AUTS2: variants seen among roughly 807,000 people sequenced by gnomAD.
AUTS2 encodes the protein autism susceptibility gene 2 protein.
In AUTS2, 17 loss-of-function variants were observed where a neutral mutation model predicts 112.4. That is an observed-to-expected ratio of 0.15 (90% CI 0.10 to 0.23). The LOEUF (loss-of-function observed/expected upper bound fraction) is 0.23. AUTS2 is among the 10% of genes least tolerant of loss of function. AUTS2 has a pLI of 1.00. For missense variants in AUTS2, 1,510 were observed against 1,701.6 expected (o/e 0.89, Z 1.98); for synonymous variants, 751 against 702.7 (o/e 1.07, Z -1.09).
intron 2 of AUTS2, among the ~76,000 whole-genome samples, chr7:70,081,712 T>C (rs1266557401): frequency 6.6e-6 from 1 of 152,194 alleles, no homozygotes; most frequent in Non-Finnish European, 1.5e-5. Context: ...AGACTCAGTG[T>C]GGAGGAATGT....
chr7:70,540,412 G>A (rs2129504755), intron 5 of AUTS2, among the ~76,000 whole-genome samples: 1 of 152,216 alleles, frequency 6.6e-6, no homozygotes, highest in Non-Finnish European at 1.5e-5. Flanking sequence ...ATTTCACTAG[G>A]CCCACTGAAG....
intron 5 of AUTS2, among the ~76,000 whole-genome samples, chr7:70,507,626 G>A (rs1371778131): frequency 1.3e-5 from 2 of 151,796 alleles, no homozygotes; most frequent in Admixed American, 6.6e-5. Flanking sequence ...GTGAAACCCT[G>A]TCTCTACTAA....
chr7:70,014,699 C>T (rs1799952153), intron 2 of AUTS2, among the ~76,000 whole-genome samples: 1 of 152,200 alleles, frequency 6.6e-6, no homozygotes, highest in African/African-American at 2.4e-5. Context: ...TAGACATGCA[C>T]ACCTCTTCAA....
chr7:69,693,616 T>C (rs1242966963), intron 1 of AUTS2, among the ~76,000 whole-genome samples: 1 of 152,198 alleles, frequency 6.6e-6, no homozygotes, highest in Non-Finnish European at 1.5e-5. Context: ...TTGTGTTTCA[T>C]AGAACTGGTA....
At chr7:69,994,345 T>G (rs1798858014) in intron 2 of AUTS2, among the ~76,000 whole-genome samples, 1 of 152,230 alleles carries the variant, frequency 6.6e-6, no homozygotes, top group Non-Finnish European at 1.5e-5. Flanking sequence ...GAATAATAGT[T>G]TCTTGTCCTC....
chr7:69,759,770 GCCCCCCCCC>G (rs3070428), intron 1 of AUTS2, among the ~76,000 whole-genome samples: 3 of 918 alleles, frequency 3.3e-3, no homozygotes, highest in Non-Finnish European at 8.0e-3. Flanking sequence ...TCTCATCCCC[GCCCCCCCCC>G]CCCCCCCCCC....
chr7:69,881,851 A>G (rs1794061231), intron 1 of AUTS2, among the ~76,000 whole-genome samples: 1 of 152,172 alleles, frequency 6.6e-6, no homozygotes. Flanking sequence ...ATTATTTCTC[A>G]GGTTAAATAG....
intron 4 of AUTS2, among the ~76,000 whole-genome samples, chr7:70,232,381 A>G (rs986132598): frequency 4.6e-5 from 7 of 151,590 alleles, no homozygotes; most frequent in African/African-American, 1.2e-4. Flanking sequence ...CAGCAACATA[A>G]TGCATGTGTA....
chr7:69,726,299 A>G (rs1464385736), intron 1 of AUTS2, among the ~76,000 whole-genome samples: 3 of 152,128 alleles, frequency 2.0e-5, no homozygotes, highest in Non-Finnish European at 2.9e-5. Context: ...TTATACAAGT[A>G]TGTGCTCTAT....
intron 4 of AUTS2, among the ~76,000 whole-genome samples, chr7:70,341,329 T>G (rs1020176944): frequency 2.0e-5 from 3 of 152,158 alleles, no homozygotes; most frequent in Non-Finnish European, 4.4e-5. Context: ...CACTGAAAAA[T>G]GGGGCAGAAT....
At chr7:69,900,653 T>C (rs1794931153) in intron 2 of AUTS2, among the ~76,000 whole-genome samples, 1 of 152,190 alleles carries the variant, frequency 6.6e-6, no homozygotes, top group African/African-American at 2.4e-5. Flanking sequence ...ATTGGAAAGA[T>C]CAAAAGCCTC....
intron 1 of AUTS2, among the ~76,000 whole-genome samples, chr7:69,798,244 G>A (rs748994662): frequency 4.6e-5 from 7 of 152,100 alleles, no homozygotes; most frequent in African/African-American, 1.2e-4. Context: ...TGGGAGGAAC[G>A]TAAGAGAACA....
intron 4 of AUTS2, among the ~76,000 whole-genome samples, chr7:70,234,464 A>G (rs1198993005): frequency 6.6e-6 from 1 of 152,124 alleles, no homozygotes; most frequent in Non-Finnish European, 1.5e-5. Flanking sequence ...GCAAACATTT[A>G]TTGCATGTTT....
At chr7:69,768,606 C>T (rs963484920) in intron 1 of AUTS2, among the ~76,000 whole-genome samples, 2 of 152,160 alleles carry the variant, frequency 1.3e-5, no homozygotes, top group Non-Finnish European at 2.9e-5. Context: ...GTGGGGGTAA[C>T]TGATTCCTTG....
At chr7:70,144,637 G>C (rs1205641608) in intron 4 of AUTS2, among the ~76,000 whole-genome samples, 1 of 152,038 alleles carries the variant, frequency 6.6e-6, no homozygotes, top group Non-Finnish European at 1.5e-5. Context: ...CAGAGTTACA[G>C]AACCTCTAGG....
At chr7:69,948,794 A>G (rs1038807063) in intron 2 of AUTS2, among the ~76,000 whole-genome samples, 16 of 150,538 alleles carry the variant, frequency 1.1e-4, no homozygotes, top group African/African-American at 3.9e-4. Context: ...TTATTTATTT[A>G]TTTATTTATT....
At position 70,595,808 on chromosome 7, in the gene AUTS2, C is replaced by T. The variant is rs763058475; in HGVS notation, c.691-102761C>T. ...CCCAAACAGCAAAGAGCATCTCTTC[C>T]AAACCACCCAATCTGGAGAGGTGGG... On this transcript the variant is annotated intron_variant, in intron 5 of 18. Transcript: ENST00000342771. Among the ~76,000 whole-genome samples, 7 of 152,318 alleles carry T rather than the reference C, an allele frequency of 4.6e-5. No individual in the cohort carries two copies. The East Asian group carries it at 1.4e-3, about 30-fold the overall frequency.
chr7:69,657,922 C>T (rs1407241411), intron 1 of AUTS2, among the ~76,000 whole-genome samples: 1 of 152,202 alleles, frequency 6.6e-6, no homozygotes, highest in Admixed American at 6.5e-5. Flanking sequence ...TGCTTGGCAC[C>T]TGGGCCAGGT....
intron 5 of AUTS2, among the ~76,000 whole-genome samples, chr7:70,663,657 G>T (rs1303711939): frequency 6.6e-6 from 1 of 151,912 alleles, no homozygotes; most frequent in African/African-American, 2.4e-5. Context: ...TAGCACCTCT[G>T]CCATTGCCAA....
Sources: allele counts gnomAD v4.1 joint callset (sites outside exome capture counted in the v4.1 genomes callset), GRCh38; gene constraint gnomAD v4.1.1; transcripts MANE v1.5; gene names NCBI Gene and HGNC (gene_info 2026-07-23, HGNC 2026-07-21).